The following OLFML2B variants were observed in gnomAD, a reference collection of about 807,000 sequenced individuals.
OLFML2B encodes the protein olfactomedin like 2B.
OLFML2B carries 57 observed loss-of-function variants against 74.9 expected under a neutral mutation model. That is an observed-to-expected ratio of 0.76 (90% confidence interval 0.61 to 0.95). The LOEUF is 0.95. Among genes scored for constraint, OLFML2B ranks in the 40% least tolerant of loss-of-function variants. OLFML2B has a pLI of 0.00. For synonymous variants in OLFML2B, 388 were observed against 405.8 expected, an observed-to-expected ratio of 0.96 and a Z score of 0.53; for missense variants, 986 against 970.6, an observed-to-expected ratio of 1.02 and a Z score of -0.21.
intron 4 of OLFML2B, among the ~76,000 whole-genome samples, chr1:162,005,877 C>A (rs996397258): frequency 5.0e-5 from 7 of 139,292 alleles, no homozygotes; most frequent in Non-Finnish European, 3.0e-5. Flanking sequence ...TGCACTCCAG[C>A]CTTGGTGGCA....
At chr1:162,012,150 T>C (rs1410311068) in intron 3 of OLFML2B, among the ~76,000 whole-genome samples, 1 of 151,992 alleles carries the variant, frequency 6.6e-6, no homozygotes, top group African/African-American at 2.4e-5. Flanking sequence ...AGCCTTCACT[T>C]GAGGAAGAAG....
Position 162,006,339 on chromosome 1 carries a change from T to C in OLFML2B, c.681A>G (p.Ser227=), listed in dbSNP as rs763264303. The C allele has an allele frequency of 8.7e-6, 14 of 1,611,904 alleles. No individual in the cohort carries two copies. The East Asian group carries it at 2.2e-4, about 26-fold the overall frequency. The part of the protein sequence containing the change: ...NILDSMPDIR[S]ALQRDAAAAY... ...CTGCTGCTGCATCCCTCTGCAGGGC[T>C]GAGCGGATGTCTGGCATGCTATCTA... Residue 227 remains serine (S), a synonymous_variant, in exon 4 of 8, where the codon TCA becomes TCG. Coordinates refer to ENST00000294794, the MANE Select transcript of OLFML2B (RefSeq NM_015441.3).
chr1:161,993,624 G>A (rs1689806712), intron 6 of OLFML2B, among the ~76,000 whole-genome samples: 1 of 151,964 alleles, frequency 6.6e-6, no homozygotes, highest in African/African-American at 2.4e-5. Flanking sequence ...TCAGGCCCCG[G>A]CTCCCTACCC....
At chr1:161,996,014 C>T (rs1192423141) in intron 6 of OLFML2B, among the ~76,000 whole-genome samples, 1 of 152,176 alleles carries the variant, frequency 6.6e-6, no homozygotes, top group Non-Finnish European at 1.5e-5. Flanking sequence ...AGAAACACAG[C>T]AGGACCCCTG....
chr1:162,004,980 G>T (rs1690180132), intron 4 of OLFML2B, among the ~76,000 whole-genome samples: 2 of 152,330 alleles, frequency 1.3e-5, no homozygotes, highest in South Asian at 4.1e-4. Flanking sequence ...TCCCCTGGCT[G>T]CCCAGTGACC....
At position 162,017,447 on chromosome 1, in the gene OLFML2B, G is replaced by A. The variant is rs1558068556; in HGVS notation, c.499C>T (p.His167Tyr). 1 of 1,613,654 alleles carries A rather than the reference G, an allele frequency of 6.2e-7. No homozygotes were observed. Among genetic ancestry groups the A allele is most frequent in the Non-Finnish European group, 8.5e-7 (1 of 1,179,840 alleles). ...CCCACCAGTTTGGTGGTGACTGAAT[G>A]TAGCTTCAGGAGATCCAGGCCATAG... Reference protein sequence around the residue: ...AFYGLDLLKLHSVTTKLVGRV... With the variant: ...AFYGLDLLKLYSVTTKLVGRV... Residue 167 changes from histidine (H) to tyrosine (Y), a missense_variant, in exon 3 of 8, where the codon CAT (histidine) becomes TAT (tyrosine). By Grantham distance (83) the His-to-Tyr change is moderately conservative. Transcript: ENST00000294794.
intron 3 of OLFML2B, among the ~76,000 whole-genome samples, chr1:162,009,692 C>T (rs1690321089): frequency 6.6e-6 from 1 of 152,172 alleles, no homozygotes; most frequent in African/African-American, 2.4e-5. Flanking sequence ...GTGGCATCAC[C>T]CCATTGGCCT....
rs187201042 is a variant in OLFML2B, at chr1:162,006,482, G to A, written c.547-9C>T. On this transcript the variant is annotated splice_polypyrimidine_tract_variant and intron_variant, in intron 3 of 7. Coordinates refer to ENST00000294794, the MANE Select transcript of OLFML2B (RefSeq NM_015441.3). ...AGGTTTTTAGACACTTCCTGAGAAG[G>A]AAAAAAAAAAGATGATCCATTAAAG... 106 of 1,138,650 alleles carry A rather than the reference G, an allele frequency of 9.3e-5. No individual in the cohort carries two copies. The highest frequency in any genetic ancestry group is 5.8e-4 in the South Asian group (33 of 57,066). The allele number at this position is 1,138,650 out of a possible 1,614,324, so 70.5% of individuals were successfully genotyped here. A position where few individuals can be genotyped will look rare whatever the true frequency, so the allele number is the denominator to read the frequency against.
At chr1:161,990,900 C>CT (rs1251523749) in intron 6 of OLFML2B, among the ~76,000 whole-genome samples, 1 of 152,214 alleles carries the variant, frequency 6.6e-6, no homozygotes, top group East Asian at 1.9e-4. Flanking sequence ...AGTGATCACA[C>CT]TGTCTTCACC....
At chr1:162,003,524 G>A (rs935392307) in intron 4 of OLFML2B, among the ~76,000 whole-genome samples, 10 of 152,142 alleles carry the variant, frequency 6.6e-5, no homozygotes, top group Non-Finnish European at 1.2e-4. Context: ...ATCCACTGGC[G>A]ACAGGCTGCA....
At chr1:161,988,400 G>A (rs4628483) in intron 6 of OLFML2B, among the ~76,000 whole-genome samples, 81,689 of 151,912 alleles carry the variant, frequency 0.54, 23,446 homozygotes, top group Middle Eastern at 0.68. Context: ...CCCCAGTAGG[G>A]TCCTTGGGCG....
At chr1:162,020,673 C>T (rs1044373335) in intron 1 of OLFML2B, among the ~76,000 whole-genome samples, 2 of 152,056 alleles carry the variant, frequency 1.3e-5, no homozygotes, top group Non-Finnish European at 2.9e-5. Context: ...ATTATAGGCA[C>T]ATGCTACCAT....
chr1:161,992,062 C>T (rs981398857), intron 6 of OLFML2B, among the ~76,000 whole-genome samples: 2 of 152,334 alleles, frequency 1.3e-5, no homozygotes, highest in East Asian at 3.9e-4. Context: ...GCTGTTTTGC[C>T]TACACTGAAA....
At chr1:161,989,198 T>G (rs763730319) in intron 6 of OLFML2B, among the ~76,000 whole-genome samples, 6 of 152,194 alleles carry the variant, frequency 3.9e-5, no homozygotes, top group African/African-American at 7.2e-5. Context: ...CTTAAACCCT[T>G]AATGACTCAC....
intron 6 of OLFML2B, among the ~76,000 whole-genome samples, chr1:161,987,006 TG>T (rs756318426): frequency 5.9e-5 from 9 of 152,326 alleles, no homozygotes; most frequent in Middle Eastern, 3.4e-3. Flanking sequence ...TGAAAATCCC[TG>T]CAGGGTTCCG....
Position 161,984,150 on chromosome 1 carries a change from C to A in OLFML2B, c.1778G>T (p.Arg593Leu). ...CAGCATGGCCCAGGCAGCCACGTAG[C>A]GCTGCTTCAGGTCGTACTTGATGAT... The part of the protein sequence containing the change: ...RNIIKYDLKQ[R>L]YVAAWAMLHD... Residue 593 changes from arginine (R) to leucine (L), a missense_variant, in exon 8 of 8, where the codon CGC becomes CTC. Coordinates refer to ENST00000294794, the MANE Select transcript of OLFML2B (RefSeq NM_015441.3). 3 of 1,610,062 alleles carry A rather than the reference C, an allele frequency of 1.9e-6. No homozygotes were observed. Among genetic ancestry groups the A allele is most frequent in the Non-Finnish European group, 2.5e-6 (3 of 1,177,932 alleles).
At chr1:162,000,373 T>TCA in intron 4 of OLFML2B, 35 bp from the exon 5 acceptor site, 1 of 1,587,914 alleles carries the variant, frequency 6.3e-7, no homozygotes, top group East Asian at 2.3e-5. Context: ...GAAGGTCAGG[T>TCA]CACTGGTCAG....
chr1:162,019,676 C>T (rs1343197740), intron 2 of OLFML2B, among the ~76,000 whole-genome samples: 1 of 151,914 alleles, frequency 6.6e-6, no homozygotes, highest in African/African-American at 2.4e-5. Flanking sequence ...CAGCTGCTCC[C>T]AGGCCCAGCC....
At chr1:162,016,848 C>A (rs1202756760) in intron 3 of OLFML2B, among the ~76,000 whole-genome samples, 1 of 152,202 alleles carries the variant, frequency 6.6e-6, no homozygotes, top group African/African-American at 2.4e-5. Context: ...AGTATGGTGT[C>A]TTTGTCTATG....
Sources: gnomAD v4.1 joint callset for allele counts (sites outside exome capture counted in the v4.1 genomes callset) on GRCh38, gnomAD v4.1.1 for gene constraint, MANE v1.5 for transcripts, NCBI Gene and HGNC (gene_info 2026-07-23, HGNC 2026-07-21) for gene names.